The following SLC1A3 variants were observed in gnomAD, a reference collection of about 807,000 sequenced individuals.
The protein encoded by SLC1A3 is solute carrier family 1 member 3.
Under a neutral mutation model 48.1 loss-of-function variants are expected in SLC1A3, and 21 were observed. That is an observed-to-expected ratio of 0.44 (90% CI 0.31 to 0.63). The LOEUF is 0.63. Among genes scored for constraint, SLC1A3 ranks in the 20% least tolerant of loss-of-function variants. SLC1A3 has a pLI of 0.08. For missense variants in SLC1A3, 546 were observed against 689.0 expected (o/e 0.79, Z 2.32); for synonymous variants, 239 against 251.4 (o/e 0.95, Z 0.47).
intron 3 of SLC1A3, among the ~76,000 whole-genome samples, chr5:36,667,215 G>A (rs747509168): frequency 3.3e-5 from 5 of 152,208 alleles, no homozygotes; most frequent in Non-Finnish European, 7.3e-5. Flanking sequence ...TCTAGGAATG[G>A]TGAAGAATTT....
chr5:36,599,224 G>A (rs1738777288), intron 1 of SLC1A3, among the ~76,000 whole-genome samples: 1 of 152,178 alleles, frequency 6.6e-6, no homozygotes, highest in African/African-American at 2.4e-5. Context: ...TTCACAGAAT[G>A]TAGTTGGTAC....
Position 36,688,083 on chromosome 5 carries a change from A to G in SLC1A3, c.*1814A>G, listed in dbSNP as rs1742727411. 1 of 152,244 alleles carries G rather than the reference A, an allele frequency of 6.6e-6. No individual in the cohort carries two copies. The highest frequency in any genetic ancestry group is 1.5e-5 in the Non-Finnish European group (1 of 68,044). 9.4% of individuals were successfully genotyped at this position (152,244 alleles called of 1,614,324 possible). A position where few individuals can be genotyped will look rare whatever the true frequency, so the allele number is the denominator to read the frequency against. The stretch of plus-strand genomic sequence containing the variant: ...TGTCGAGGCTCTATTTCGGAAATAC[A>G]CTACAAATGTTAAAGTACGTGGCTG... On this transcript the variant is annotated 3_prime_UTR_variant, in exon 10 of 10. Coordinates refer to ENST00000265113, the MANE Select transcript of SLC1A3 (RefSeq NM_004172.5).
At chr5:36,640,976 A>AAC (rs140627930) in intron 3 of SLC1A3, among the ~76,000 whole-genome samples, 5 of 151,676 alleles carry the variant, frequency 3.3e-5, no homozygotes, top group East Asian at 1.9e-4. Context: ...TTAATGCCCC[A>AAC]ACACACACAC....
At chr5:36,637,460 G>C (rs1339668691) in intron 3 of SLC1A3, among the ~76,000 whole-genome samples, 2 of 152,246 alleles carry the variant, frequency 1.3e-5, no homozygotes, top group Non-Finnish European at 2.9e-5. Flanking sequence ...AATTTCAGCA[G>C]CTTCAAGTGA....
chr5:36,676,924 A>G lies in SLC1A3; in HGVS notation c.600A>G (p.Lys200=), dbSNP rs1373927698. The part of the protein sequence containing the change: ...FKTNYEKRSF[K]VPIQANETLV... ...CCAACTATGAGAAGAGAAGCTTTAA[A>G]GTGCCCATCCAGGCCAACGAAACGC... Residue 200 remains lysine (K), a synonymous_variant, in exon 6 of 10, where the codon AAA becomes AAG. Transcript: ENST00000265113. The G allele has an allele frequency of 1.2e-6, 2 of 1,613,942 alleles. No individual in the cohort carries two copies. The highest frequency in any genetic ancestry group is 2.2e-5 in the East Asian group (1 of 44,886).
At chr5:36,621,753 T>G (rs1344113101) in intron 2 of SLC1A3, among the ~76,000 whole-genome samples, 1 of 152,214 alleles carries the variant, frequency 6.6e-6, no homozygotes, top group Non-Finnish European at 1.5e-5. Flanking sequence ...ATCTTCTCTA[T>G]GAAGATAGAA....
intron 8 of SLC1A3, among the ~76,000 whole-genome samples, chr5:36,683,234 T>G (rs1742507854): frequency 6.6e-6 from 1 of 152,202 alleles, no homozygotes; most frequent in South Asian, 2.1e-4. Flanking sequence ...CTTTCAGGGA[T>G]GTTTAAAAGT....
At chr5:36,650,501 C>T (rs892577713) in intron 3 of SLC1A3, among the ~76,000 whole-genome samples, 11 of 152,214 alleles carry the variant, frequency 7.2e-5, no homozygotes, top group Admixed American at 7.2e-4. Flanking sequence ...GGCTAGCTCT[C>T]ACATTCTCTA....
intron 2 of SLC1A3, among the ~76,000 whole-genome samples, chr5:36,617,936 A>G (rs953134370): frequency 1.3e-5 from 2 of 152,172 alleles, no homozygotes; most frequent in African/African-American, 2.4e-5. Context: ...CATAATGTTG[A>G]TAAGTATTGC....
intron 6 of SLC1A3, among the ~76,000 whole-genome samples, chr5:36,678,713 C>A (rs1172943238): frequency 6.6e-6 from 1 of 152,110 alleles, no homozygotes; most frequent in African/African-American, 2.4e-5. Context: ...GGCAGCGAGG[C>A]CTTTAAGCAA....
At chr5:36,644,898 G>A (rs2111822812) in intron 3 of SLC1A3, among the ~76,000 whole-genome samples, 1 of 152,226 alleles carries the variant, frequency 6.6e-6, no homozygotes, top group East Asian at 1.9e-4. Flanking sequence ...GGGCCTGGGG[G>A]GAGACAACTG....
chr5:36,602,411 A>G (rs945546869), upstream of SLC1A3, among the ~76,000 whole-genome samples: 2 of 152,216 alleles, frequency 1.3e-5, no homozygotes, highest in African/African-American at 2.4e-5. Flanking sequence ...TTAAAAAACT[A>G]TAAAGCCCTG....
intron 3 of SLC1A3, chr5:36,668,280 G>C (rs13159713): frequency 0.21 from 32,335 of 152,278 alleles, 4,250 homozygotes; most frequent in Non-Finnish European, 0.29. Context: ...TTTAGGTGAG[G>C]GTGGGAAAGT....
intron 3 of SLC1A3, among the ~76,000 whole-genome samples, chr5:36,657,220 C>G (rs1183905391): frequency 6.6e-6 from 1 of 152,134 alleles, no homozygotes; most frequent in Non-Finnish European, 1.5e-5. Flanking sequence ...TAACAGTATT[C>G]CCACAAAACA....
intron 3 of SLC1A3, among the ~76,000 whole-genome samples, chr5:36,646,942 C>T (rs765545834): frequency 6.6e-6 from 1 of 152,138 alleles, no homozygotes; most frequent in Non-Finnish European, 1.5e-5. Flanking sequence ...GAGCTGCTGG[C>T]AGGAATTTTA....
intron 3 of SLC1A3, among the ~76,000 whole-genome samples, chr5:36,667,334 C>A (rs2111911522): frequency 6.6e-6 from 1 of 152,296 alleles, no homozygotes; most frequent in South Asian, 2.1e-4. Context: ...AGATTTTTCA[C>A]AATTATATTC....
chr5:36,611,086 T>C (rs1455360888), intron 2 of SLC1A3, among the ~76,000 whole-genome samples: 1 of 152,186 alleles, frequency 6.6e-6, no homozygotes, highest in African/African-American at 2.4e-5. Flanking sequence ...CTGGGTTCCA[T>C]GTCTACCAGT....
chr5:36,599,003 T>C (rs901850100), intron 1 of SLC1A3, among the ~76,000 whole-genome samples: 2 of 152,196 alleles, frequency 1.3e-5, no homozygotes, highest in African/African-American at 4.8e-5. Context: ...TCAATATAAG[T>C]ATTAATGAGA....
chr5:36,669,119 C>CG (rs1741884532), intron 3 of SLC1A3: 1 of 152,170 alleles, frequency 6.6e-6, no homozygotes, highest in Non-Finnish European at 1.5e-5. Context: ...TTACACTACT[C>CG]GCCGGTTCCA....
Sources: allele counts gnomAD v4.1 joint callset (sites outside exome capture counted in the v4.1 genomes callset), GRCh38; gene constraint gnomAD v4.1.1; transcripts MANE v1.5; gene names NCBI Gene and HGNC (gene_info 2026-07-23, HGNC 2026-07-21).